ABCC12: variants seen among roughly 807,000 people sequenced by gnomAD.
ABCC12 encodes the protein ATP binding cassette subfamily C member 12.
A neutral mutation model predicts 151.1 loss-of-function variants in ABCC12; 142 were observed. The ratio of observed to expected loss-of-function variants is 0.94; its 90% CI spans 0.82 to 1.08. ABCC12 has a LOEUF of 1.08. Among genes scored for constraint, ABCC12 ranks in the 50% least tolerant of loss-of-function variants. ABCC12 has a pLI of 0.00. For missense variants in ABCC12, 1,638 were observed against 1,691.1 expected, an observed-to-expected ratio of 0.97 and a Z score of 0.55; for synonymous variants, 645 against 646.4, an observed-to-expected ratio of 1.00 and a Z score of 0.03.
At chr16:48,146,623 G>T in intron 2 of ABCC12, 149 bp from the exon 3 acceptor site, 1 of 567,308 alleles carries the variant, frequency 1.8e-6, no homozygotes, top group Non-Finnish European at 3.1e-6. Flanking sequence ...GGGGAGTGTG[G>T]CCAGAAGACC....
intron 29 of ABCC12, among the ~76,000 whole-genome samples, chr16:48,085,227 A>G (rs1214141969): frequency 6.6e-6 from 1 of 152,160 alleles, no homozygotes; most frequent in Non-Finnish European, 1.5e-5. Context: ...CCCATATCCT[A>G]GCATTCTGAT....
intron 20 of ABCC12, among the ~76,000 whole-genome samples, chr16:48,106,961 A>G (rs568415550): frequency 1.3e-5 from 2 of 152,330 alleles, no homozygotes; most frequent in South Asian, 4.1e-4. Context: ...ACAAGATGCC[A>G]GTTTCTCTTT....
chr16:48,086,975 C>T (rs548978099), intron 27 of ABCC12, among the ~76,000 whole-genome samples, 156 bp from the exon 28 acceptor site: 1 of 152,168 alleles, frequency 6.6e-6, no homozygotes, highest in Non-Finnish European at 1.5e-5. Context: ...CAGTGGTCCA[C>T]AAAATATGGA....
chr16:48,090,903 G>T (rs961786888), intron 25 of ABCC12, among the ~76,000 whole-genome samples: 8 of 152,088 alleles, frequency 5.3e-5, no homozygotes, highest in Admixed American at 6.6e-5. Flanking sequence ...TGGAGACAGG[G>T]TTTCACCATG....
At chr16:48,119,326 C>A (rs1963992332) in intron 13 of ABCC12, among the ~76,000 whole-genome samples, 1 of 152,222 alleles carries the variant, frequency 6.6e-6, no homozygotes, top group Non-Finnish European at 1.5e-5. Context: ...ATAGCCCATT[C>A]CAGACTTGAG....
intron 8 of ABCC12, 73 bp downstream of exon 8, chr16:48,138,155 G>A: frequency 6.8e-7 from 1 of 1,461,814 alleles, no homozygotes; most frequent in Non-Finnish European, 9.1e-7. Flanking sequence ...CTGGCCCTGG[G>A]AACCGTAAGA....
chr16:48,108,190 C>T (rs900001388), intron 19 of ABCC12, among the ~76,000 whole-genome samples: 13 of 152,132 alleles, frequency 8.5e-5, no homozygotes, highest in Non-Finnish European at 1.6e-4. Context: ...GGGTAGGGTT[C>T]ATGCTGCTGC....
Position 48,127,245 on chromosome 16 carries a change from C to T in ABCC12, c.1515+1214G>A, listed in dbSNP as rs141672092. On this transcript the variant is annotated intron_variant, in intron 11 of 30. Coordinates refer to ENST00000311303, the MANE Select transcript of ABCC12 (RefSeq NM_001393797.1). ...TCAACAGGATGAGAGATTAAAATACCAGGCACAAGATTAATGTTGAGCCCT... is the reference window on the plus strand; with the variant it reads ...TCAACAGGATGAGAGATTAAAATACTAGGCACAAGATTAATGTTGAGCCCT... 3.2e-3 allele frequency among the ~76,000 whole-genome samples: 489 copies of T among 151,960 alleles called. 2 individuals carry two copies. The highest frequency in any genetic ancestry group is 0.011 in the African/African-American group (466 of 41,434).
chr16:48,142,033 G>A (rs943787242), intron 4 of ABCC12, among the ~76,000 whole-genome samples: 3 of 152,194 alleles, frequency 2.0e-5, no homozygotes, highest in African/African-American at 2.4e-5. Context: ...AAAGTGGACA[G>A]AGAGCGACAA....
chr16:48,151,829 G>A (rs1420422268), intron 2 of ABCC12, among the ~76,000 whole-genome samples: 3 of 152,216 alleles, frequency 2.0e-5, no homozygotes, highest in East Asian at 1.9e-4. Flanking sequence ...CAGGCTGTCT[G>A]TGCTCAGTGT....
chr16:48,153,040 A>C (rs1252554443), intron 2 of ABCC12, among the ~76,000 whole-genome samples: 1 of 152,188 alleles, frequency 6.6e-6, no homozygotes, highest in Non-Finnish European at 1.5e-5. Context: ...CCCTCTTCCA[A>C]GTGTACTTTA....
Position 48,083,663 on chromosome 16 carries a change from C to T in ABCC12, c.*52G>A. The T allele has an allele frequency of 3.2e-6, 5 of 1,582,642 alleles. No homozygotes were observed. The South Asian group carries it at 5.5e-5, about 18-fold the overall frequency. ...ACAGCCCCTCCTCCTGAAGACTCCT[C>T]CTATTCATCTCACAGAGCCTCTTCC... On this transcript the variant is annotated 3_prime_UTR_variant, in exon 31 of 31. Coordinates refer to ENST00000311303, the MANE Select transcript of ABCC12 (RefSeq NM_001393797.1).
Position 48,146,365 on chromosome 16 carries a change from G to A in ABCC12, c.60C>T (p.Ser20=), listed in dbSNP as rs758164303. 6.2e-7 allele frequency: 1 copy of A among 1,614,074 alleles called. No homozygotes were observed. Among genetic ancestry groups the A allele is most frequent in the South Asian group, 1.1e-5 (1 of 91,084 alleles). The change falls in exon 3 of 31, where the codon TCC becomes TCT. Residue 20 remains serine, a synonymous_variant. Transcript: ENST00000311303. ...SDLDQRGRRR[S]FAERYDPSLK... is the part of the protein sequence containing the mutation. ...GGCTGGGGTCATATCTTTCTGCAAAGGATCTCCGCCGGCCTCGCTGGTCCA... is the reference window on the plus strand; with the variant it reads ...GGCTGGGGTCATATCTTTCTGCAAAAGATCTCCGCCGGCCTCGCTGGTCCA...
chr16:48,097,868 C>T (rs1963158113), intron 23 of ABCC12, among the ~76,000 whole-genome samples: 1 of 152,148 alleles, frequency 6.6e-6, no homozygotes, highest in African/African-American at 2.4e-5. Context: ...ACTGGGGCCT[C>T]CAAGCTGCTG....
chr16:48,141,415 G>A (rs915959837), intron 4 of ABCC12, 62 bp from the exon 5 acceptor site: 28 of 1,591,628 alleles, frequency 1.8e-5, no homozygotes, highest in Non-Finnish European at 2.1e-5. Context: ...TTGAAGCTAC[G>A]CTGTTGGGCA....
intron 22 of ABCC12, among the ~76,000 whole-genome samples, chr16:48,102,672 A>G (rs943957598): frequency 5.3e-5 from 8 of 152,180 alleles, no homozygotes; most frequent in African/African-American, 1.9e-4. Context: ...CTCCTGCCCC[A>G]GTACATTCCC....
intron 20 of ABCC12, among the ~76,000 whole-genome samples, chr16:48,106,595 G>A (rs577325200): frequency 6.6e-6 from 1 of 152,256 alleles, no homozygotes; most frequent in East Asian, 1.9e-4. Flanking sequence ...CACAGAGCAG[G>A]CCACCCAGCA....
At chr16:48,145,065 T>C (rs1185616266) in intron 3 of ABCC12, among the ~76,000 whole-genome samples, 1 of 152,138 alleles carries the variant, frequency 6.6e-6, no homozygotes, top group Non-Finnish European at 1.5e-5. Flanking sequence ...CCTCCCCACA[T>C]TGCCTCTCCA....
rs549993811 is a variant in ABCC12 at position 48,095,207 on chromosome 16, T to C, written c.3195+1539A>G. On this transcript the variant is annotated intron_variant, in intron 24 of 30. Transcript: ENST00000311303. Reference sequence around the variant, plus strand: ...GGCAGTTTCCCCCATACTGTTCTCATGGTGGTAAATAAGTCTCACGAGAGC... The same window carrying C: ...GGCAGTTTCCCCCATACTGTTCTCACGGTGGTAAATAAGTCTCACGAGAGC... Among the ~76,000 whole-genome samples the C allele has an allele frequency of 2.6e-5, 4 of 152,296 alleles. No homozygotes were observed. In the South Asian group the frequency reaches 8.3e-4, roughly 32 times the overall value.
Sources: gnomAD v4.1 joint callset for allele counts (sites outside exome capture counted in the v4.1 genomes callset) on GRCh38, gnomAD v4.1.1 for gene constraint, MANE v1.5 for transcripts, NCBI Gene and HGNC (gene_info 2026-07-23, HGNC 2026-07-21) for gene names.